PSMG4: variants seen among roughly 807,000 people sequenced by gnomAD.
PSMG4 encodes the protein proteasome (prosome, macropain) assembly chaperone 4.
A neutral mutation model predicts 11.0 loss-of-function variants in PSMG4; 10 were observed. That is an observed-to-expected ratio of 0.91 (90% CI 0.56 to 1.54). The LOEUF (loss-of-function observed/expected upper bound fraction) is 1.54. Ranked by LOEUF, PSMG4 falls within the 40% of genes most tolerant of loss-of-function variation. PSMG4 has a pLI of 0.00. For synonymous variants in PSMG4, 95 were observed against 71.3 expected (o/e 1.33, Z -1.68); for missense variants, 198 against 160.9 (o/e 1.23, Z -1.25).
At chr6:3,256,254 G>A (rs1464506224), upstream of PSMG4, among the ~76,000 whole-genome samples, 5 of 152,240 alleles carry the variant, frequency 3.3e-5, no homozygotes, top group African/African-American at 4.8e-5. Context: ...CAGATCCAAT[G>A]TGGGTGCTGG....
At chr6:3,258,600 G>A (rs1253727369), upstream of PSMG4, among the ~76,000 whole-genome samples, 1 of 152,184 alleles carries the variant, frequency 6.6e-6, no homozygotes, top group African/African-American at 2.4e-5. Flanking sequence ...GTCACGGCCT[G>A]GGAGGACGGT....
chr6:3,255,599 T>C (rs1757735779), upstream of PSMG4, among the ~76,000 whole-genome samples: 2 of 152,148 alleles, frequency 1.3e-5, 1 homozygote, highest in African/African-American at 4.8e-5. Context: ...ACTGCCTGAG[T>C]GAGGCAGAAG....
At chr6:3,255,705 G>A (rs1335222362), upstream of PSMG4, among the ~76,000 whole-genome samples, 1 of 152,234 alleles carries the variant, frequency 6.6e-6, no homozygotes, top group African/African-American at 2.4e-5. Flanking sequence ...CCAAAAGCAG[G>A]AACTGAAGAA....
chr6:3,259,264 C>A, intron 1 of PSMG4, 68 bp downstream of exon 1: 1 of 1,204,360 alleles, frequency 8.3e-7, no homozygotes, highest in South Asian at 3.7e-5. Context: ...CCTGCGCGAG[C>A]TGCAGCCCCC....
upstream of PSMG4, among the ~76,000 whole-genome samples, chr6:3,254,485 G>T (rs977744953): frequency 6.6e-6 from 1 of 151,936 alleles, no homozygotes; most frequent in Non-Finnish European, 1.5e-5. Flanking sequence ...AAATATTGTT[G>T]CTGGTGGTTT....
intron 2 of PSMG4, chr6:3,264,591 T>C (rs995384172): frequency 1.2e-5 from 5 of 433,988 alleles, no homozygotes; most frequent in Non-Finnish European, 1.9e-5. Flanking sequence ...AGCAGGCCCA[T>C]GACAGTATGT....
chr6:3,263,404 G>A (rs1023812974), intron 1 of PSMG4, among the ~76,000 whole-genome samples: 1 of 152,244 alleles, frequency 6.6e-6, no homozygotes, highest in African/African-American at 2.4e-5. Context: ...TTTGGAGTTT[G>A]AGACACTAAA....
upstream of PSMG4, among the ~76,000 whole-genome samples, chr6:3,257,376 T>C (rs1303027516): frequency 6.6e-6 from 1 of 152,206 alleles, no homozygotes; most frequent in Non-Finnish European, 1.5e-5. Context: ...GAGACATGTA[T>C]AACCAGTGAA....
At chr6:3,260,291 A>ATATATATATATATATATATATTTTTTTT in intron 1 of PSMG4, among the ~76,000 whole-genome samples, 2 of 70,866 alleles carry the variant, frequency 2.8e-5, no homozygotes, top group South Asian at 1.2e-3. Context: ...ATATATATAT[A>ATATATATATATATATATATATTTTTTTT]TTTTTTTTTT....
At chr6:3,254,951 G>C (rs533745620), upstream of PSMG4, 89 of 1,314,942 alleles carry the variant, frequency 6.8e-5, no homozygotes, top group South Asian at 6.0e-4. Flanking sequence ...GTCAGCTGTT[G>C]GGTGTTGCAG....
chr6:3,259,157 G>T lies in PSMG4; in HGVS notation c.135G>T (p.Pro45=), dbSNP rs893733061. ...TGTTCCTGTGGGTGGGGGCCACGCC[G>T]CACCTGCGCAACCTCGCCGTGGCCA... ...DSLFLWVGAT[P]HLRNLAVAMC... Residue 45 remains proline, a synonymous_variant, in exon 1 of 3, where the codon CCG becomes CCT. Transcript: ENST00000438998. 5.4e-6 allele frequency: 7 copies of T among 1,307,140 alleles called. No homozygotes were observed. Among genetic ancestry groups the T allele is most frequent in the Non-Finnish European group, 6.8e-6 (7 of 1,027,974 alleles). The allele number at this position is 1,307,140 out of a possible 1,614,324, so 81.0% of individuals were successfully genotyped here. A position where few individuals can be genotyped will look rare whatever the true frequency, so the allele number is the denominator to read the frequency against.
upstream of PSMG4, among the ~76,000 whole-genome samples, chr6:3,256,928 C>G (rs1478269021): frequency 1.4e-5 from 2 of 145,224 alleles, no homozygotes; most frequent in Admixed American, 1.4e-4. Flanking sequence ...CATGCAGGCT[C>G]TTTGGAGACG....
chr6:3,254,846 T>C (rs978127236), upstream of PSMG4, among the ~76,000 whole-genome samples: 1 of 152,070 alleles, frequency 6.6e-6, no homozygotes, highest in Non-Finnish European at 1.5e-5. Context: ...TAGAAAACAC[T>C]TTAACTCAGG....
At chr6:3,260,527 T>C (rs6940530) in intron 1 of PSMG4, among the ~76,000 whole-genome samples, 108,342 of 151,572 alleles carry the variant, frequency 0.71, 40,497 homozygotes, top group Non-Finnish European at 0.83. Flanking sequence ...GACCTCGTGA[T>C]CCGCCTGCCT....
chr6:3,264,412 G>A (rs376006609), intron 2 of PSMG4: 61 of 1,490,590 alleles, frequency 4.1e-5, no homozygotes, highest in East Asian at 3.5e-4. Context: ...CAGGCCTGGC[G>A]TTCTCCAGTA....
chr6:3,267,680 G>A lies in PSMG4; in HGVS notation c.340G>A (p.Glu114Lys). The A allele has an allele frequency of 6.4e-7, 1 of 1,552,312 alleles. No individual in the cohort carries two copies. The highest frequency in any genetic ancestry group is 8.7e-7 in the Non-Finnish European group (1 of 1,147,076). Residue 114 changes from glutamate (E) to lysine (K), a missense_variant, in exon 3 of 3, where the codon GAA becomes AAA. Physicochemically the swap from Glu to Lys is moderately conservative, Grantham distance 56. Coordinates refer to ENST00000438998, the MANE Select transcript of PSMG4 (RefSeq NM_001128591.2). ...FALLVENRIK[E>K]EMEAFPEKF ...ATTACTTGTAGAAAACAGGATCAAGGAAGAGATGGAGGCTTTCCCCGAAAA... is the reference window on the plus strand; with the variant it reads ...ATTACTTGTAGAAAACAGGATCAAGAAAGAGATGGAGGCTTTCCCCGAAAA...
At chr6:3,264,012 A>G in intron 2 of PSMG4, 1 of 1,334,110 alleles carries the variant, frequency 7.5e-7, no homozygotes. Context: ...TGTGTCCTTG[A>G]GTCCATGAGC....
upstream of PSMG4, chr6:3,255,323 G>A (rs1019759515): frequency 1.3e-6 from 2 of 1,495,728 alleles, no homozygotes; most frequent in Non-Finnish European, 1.8e-6. Flanking sequence ...GAGGCTAACG[G>A]CAACTGGTGG....
intron 2 of PSMG4, chr6:3,264,145 C>A: frequency 6.5e-7 from 1 of 1,543,226 alleles, no homozygotes; most frequent in Non-Finnish European, 8.8e-7. Flanking sequence ...GTCAGTGCAG[C>A]TGGTGGAGCA....
Sources: allele counts gnomAD v4.1 joint callset (sites outside exome capture counted in the v4.1 genomes callset), GRCh38; gene constraint gnomAD v4.1.1; transcripts MANE v1.5; gene names NCBI Gene and HGNC (gene_info 2026-07-23, HGNC 2026-07-21).